KCNH6: variants seen among roughly 807,000 people sequenced by gnomAD.
KCNH6 encodes voltage-gated inwardly rectifying potassium channel KCNH6.
A neutral mutation model predicts 83.4 loss-of-function variants in KCNH6; 81 were observed. That is an observed-to-expected ratio of 0.97 (90% CI 0.81 to 1.17). KCNH6 has a LOEUF of 1.17. KCNH6 is among the 50% of genes most tolerant of loss of function. KCNH6 has a pLI of 0.00. For synonymous variants in KCNH6, 503 were observed against 545.6 expected (o/e 0.92, Z 1.09); for missense variants, 1,203 against 1,290.5 (o/e 0.93, Z 1.04).
At chr17:63,537,896 G>A (rs538443563) in intron 6 of KCNH6, among the ~76,000 whole-genome samples, 169 bp from the exon 7 acceptor site, 1 of 152,326 alleles carries the variant, frequency 6.6e-6, no homozygotes, top group South Asian at 2.1e-4. Context: ...GAAAGCCCAG[G>A]GGCCTTTGTC....
At chr17:63,536,096 A>G (rs753303316) in intron 6 of KCNH6, 28 bp downstream of exon 6, 22 of 1,603,114 alleles carry the variant, frequency 1.4e-5, no homozygotes, top group Non-Finnish European at 1.9e-5. Flanking sequence ...CCACGGCCTA[A>G]CTTCATGCTC....
intron 4 of KCNH6, 35 bp downstream of exon 4, chr17:63,530,577 G>A: frequency 6.2e-7 from 1 of 1,601,788 alleles, no homozygotes; most frequent in Non-Finnish European, 8.5e-7. Context: ...GCAGAGCTGT[G>A]CCAGGCCTCC....
rs756033396 is a variant in KCNH6, at chr17:63,545,646, A to G, written c.2621A>G (p.Lys874Arg). 6.2e-7 allele frequency: 1 copy of G among 1,613,970 alleles called. No individual in the cohort carries two copies. The highest frequency in any genetic ancestry group is 8.5e-7 in the Non-Finnish European group (1 of 1,179,998). Residue 874 changes from lysine (K) to arginine (R), a missense_variant, in exon 13 of 13, where the codon AAG (lysine) becomes AGG (arginine). Transcript: ENST00000314672. ...GGAGACTTGGATGACTGTAGTCCAAAGCACAGGAACTCCTCCCCCAGGATG... is the reference window on the plus strand; with the variant it reads ...GGAGACTTGGATGACTGTAGTCCAAGGCACAGGAACTCCTCCCCCAGGATG... Reference protein sequence around the residue: ...SYGDLDDCSPKHRNSSPRMPH... With the variant: ...SYGDLDDCSPRHRNSSPRMPH...
downstream of KCNH6, among the ~76,000 whole-genome samples, chr17:63,548,158 C>T (rs1475197237): frequency 5.3e-5 from 8 of 151,760 alleles, no homozygotes; most frequent in Non-Finnish European, 7.4e-5. Context: ...CCCAGCTACT[C>T]GGGAGGCTGA....
In KCNH6 at chr17:63,538,206, G is replaced by A. The variant is rs1235391865; in HGVS notation, c.1643G>A (p.Arg548His). 3.1e-6 allele frequency: 5 copies of A among 1,614,214 alleles called. No individual in the cohort carries two copies. The highest frequency in any genetic ancestry group is 3.4e-6 in the Non-Finnish European group (4 of 1,180,030). Residue 548 changes from arginine to histidine, a missense_variant, in exon 7 of 13, where the codon CGC becomes CAC. Transcript: ENST00000314672. This position sits in a 1 kb window ranked among gnomAD's most constrained non-coding sequence, Gnocchi z 4.0. ...FHQIPNPLRQRLEEYFQHAWS... is the reference protein window; with the variant it reads ...FHQIPNPLRQHLEEYFQHAWS... ...CAGATCCCCAACCCACTGCGCCAGC[G>A]CCTGGAGGAGTATTTCCAGCACGCC...
In KCNH6 at chr17:63,535,655, C is replaced by A. The variant is rs1344056471; in HGVS notation, c.1102-14C>A. The A allele has an allele frequency of 6.3e-7, 1 of 1,584,954 alleles. No homozygotes were observed. Among genetic ancestry groups the A allele is most frequent in the Non-Finnish European group, 8.6e-7 (1 of 1,162,050 alleles). On this transcript the variant is annotated splice_polypyrimidine_tract_variant and intron_variant, in intron 5 of 12. Coordinates refer to ENST00000314672, the MANE Select transcript of KCNH6 (RefSeq NM_001278919.2). This position sits in a 1 kb window ranked among gnomAD's most constrained non-coding sequence, Gnocchi z 4.9. Reference sequence around the variant, plus strand: ...GCTGACCCCAGCCCTGTGACCATTTCCCTACCCCTCCAGACCACAACCCTG... The same window carrying A: ...GCTGACCCCAGCCCTGTGACCATTTACCTACCCCTCCAGACCACAACCCTG...
intron 9 of KCNH6, 132 bp downstream of exon 9, chr17:63,542,566 C>T (rs2147726320): frequency 1.3e-6 from 1 of 754,858 alleles, no homozygotes; most frequent in East Asian, 2.7e-5. Context: ...TCTTTTGTGC[C>T]TACCATGGCT....
At chr17:63,545,523 A>G in intron 12 of KCNH6, 86 bp from the exon 13 acceptor site, 2 of 1,415,372 alleles carry the variant, frequency 1.4e-6, no homozygotes, top group Admixed American at 4.0e-5. Context: ...GGCAGGTACA[A>G]TTTTTGCCTG....
rs1369237334 is a variant in KCNH6, at chr17:63,538,472, G to A, written c.1764G>A (p.Leu588=). The A allele has an allele frequency of 6.2e-7, 1 of 1,604,686 alleles. No homozygotes were observed. The highest frequency in any genetic ancestry group is 1.3e-5 in the African/African-American group (1 of 74,828). Residue 588 remains leucine, a synonymous_variant, in exon 8 of 13, where the codon CTG becomes CTA. Coordinates refer to ENST00000314672, the MANE Select transcript of KCNH6 (RefSeq NM_001278919.2). This position sits in a 1 kb window ranked among gnomAD's most constrained non-coding sequence, Gnocchi z 4.0. ...ADICLHLHRA[L]LQHCPAFSGA... Reference sequence around the variant, plus strand: ...TCTGCCTGCACCTGCACCGCGCACTGCTGCAGCACTGCCCAGCTTTCAGCG... The same window carrying A: ...TCTGCCTGCACCTGCACCGCGCACTACTGCAGCACTGCCCAGCTTTCAGCG...
At position 63,542,389 on chromosome 17, in the gene KCNH6, G is replaced by A. The variant is rs137873935; in HGVS notation, c.2103G>A (p.Ala701=). The change falls in exon 9 of 13, where the codon GCG becomes GCA. Residue 701 remains alanine (A), a synonymous_variant. Transcript: ENST00000314672. ...LEVLDMYPAF[A]ESFWSKLEVT... ...TGCTGGACATGTACCCGGCCTTTGC[G>A]GAGAGCTTCTGGAGTAAGCTGGAGG... The A allele has an allele frequency of 3.0e-4, 490 of 1,614,040 alleles. No homozygotes were observed. Among genetic ancestry groups the A allele is most frequent in the Non-Finnish European group, 3.8e-4 (443 of 1,180,044 alleles).
rs148485289 is a variant in KCNH6, at chr17:63,538,299, T to TGG, written c.1701+41_1701+42dup. On this transcript the variant is annotated intron_variant, in intron 7 of 12. Transcript: ENST00000314672. The surrounding 1 kb of genome is among the most constrained non-coding windows in gnomAD (Gnocchi z 4.0). ...GCCGCTCCGGCTAATGCCCCGGGCGTGGGGGGGAGCCAAGATCCTGCGGGG... is the reference window on the plus strand; with the variant it reads ...GCCGCTCCGGCTAATGCCCCGGGCGTGGGGGGGGGAGCCAAGATCCTGCGGGG... 3.4e-4 allele frequency: 541 copies of TGG among 1,608,606 alleles called. 2 individuals carry two copies. The highest frequency in any genetic ancestry group is 3.1e-3 in the African/African-American group (229 of 74,850).
rs200551919 is a variant in KCNH6, at chr17:63,524,229, G to T, written c.167G>T (p.Arg56Leu). 37 of 1,613,988 alleles carry T rather than the reference G, an allele frequency of 2.3e-5. No individual in the cohort carries two copies. Among genetic ancestry groups the T allele is most frequent in the African/African-American group, 1.3e-4 (10 of 74,914 alleles). The change falls in exon 2 of 13, where the codon CGA (arginine) becomes CTA (leucine). Residue 56 changes from arginine (R) to leucine (L), a missense_variant. Physicochemically the swap from Arg to Leu is moderately radical, Grantham distance 102. Transcript: ENST00000314672. ...TTCTGCGAACTCTTCGGCTACTCCC[G>T]AGTGGAGGTGATGCAGCAACCCTGC... The part of the protein sequence containing the change: ...DGFCELFGYS[R>L]VEVMQQPCTC...
In KCNH6 at chr17:63,523,892, C is replaced by T. The variant is rs1030006192; in HGVS notation, c.77-247C>T. Among the ~76,000 whole-genome samples the T allele has an allele frequency of 1.3e-5, 2 of 152,144 alleles. No homozygotes were observed. Among genetic ancestry groups the T allele is most frequent in the Non-Finnish European group, 2.9e-5 (2 of 68,026 alleles). ...CCCAGGCCTGACCCCCATCTGGTCA[C>T]ATCCCTGCCTCCCTTCCCCACACTT... On this transcript the variant is annotated intron_variant, in intron 1 of 12. Coordinates refer to ENST00000314672, the MANE Select transcript of KCNH6 (RefSeq NM_001278919.2). The surrounding 1 kb of genome is among the most constrained non-coding windows in gnomAD (Gnocchi z 4.2).
Position 63,545,656 on chromosome 17 carries a change from C to T in KCNH6, c.2631C>T (p.Asn877=), listed in dbSNP as rs118047914. The T allele has an allele frequency of 1.9e-4, 299 of 1,614,012 alleles. No homozygotes were observed. The highest frequency in any genetic ancestry group is 2.3e-4 in the Non-Finnish European group (270 of 1,180,002). The part of the protein sequence containing the change: ...DLDDCSPKHR[N]SSPRMPHLAV... Reference sequence around the variant, plus strand: ...ATGACTGTAGTCCAAAGCACAGGAACTCCTCCCCCAGGATGCCTCACCTGG... The same window carrying T: ...ATGACTGTAGTCCAAAGCACAGGAATTCCTCCCCCAGGATGCCTCACCTGG... The change falls in exon 13 of 13, where the codon AAC becomes AAT. Residue 877 remains asparagine (N), a synonymous_variant. Coordinates refer to ENST00000314672, the MANE Select transcript of KCNH6 (RefSeq NM_001278919.2).
At chr17:63,545,389 G>A in intron 12 of KCNH6, 125 bp downstream of exon 12, 1 of 1,075,378 alleles carries the variant, frequency 9.3e-7, no homozygotes, top group Non-Finnish European at 1.3e-6. Flanking sequence ...CAGGGCTTCT[G>A]CTTACCTCCT....
At chr17:63,524,819 G>A in intron 2 of KCNH6, among the ~76,000 whole-genome samples, 1 of 152,228 alleles carries the variant, frequency 6.6e-6, no homozygotes, top group East Asian at 1.9e-4. Flanking sequence ...GCCTTATCCA[G>A]TCTCAGCTCT....
At chr17:63,527,365 A>G (rs2031785692) in intron 2 of KCNH6, among the ~76,000 whole-genome samples, 1 of 152,216 alleles carries the variant, frequency 6.6e-6, no homozygotes, top group South Asian at 2.1e-4. Context: ...GGGACTCACC[A>G]CAGTGCTGGA....
Position 63,538,644 on chromosome 17 carries a change from G to A in KCNH6, c.1936G>A (p.Val646Met). Residue 646 changes from valine (V) to methionine (M), a missense_variant, in exon 8 of 13, where the codon GTG becomes ATG. Coordinates refer to ENST00000314672, the MANE Select transcript of KCNH6 (RefSeq NM_001278919.2). This position sits in a 1 kb window ranked among gnomAD's most constrained non-coding sequence, Gnocchi z 4.0. ...RGSIEILRDDVVVAILGKNDI... is the reference protein window; with the variant it reads ...RGSIEILRDDMVVAILGKNDI... ...CTCCATCGAGATCCTGCGCGACGACGTGGTCGTGGCCATCCTAGGTGGGTC... is the reference window on the plus strand; with the variant it reads ...CTCCATCGAGATCCTGCGCGACGACATGGTCGTGGCCATCCTAGGTGGGTC... 6.3e-7 allele frequency: 1 copy of A among 1,596,188 alleles called. No individual in the cohort carries two copies.
Position 63,545,215 on chromosome 17 carries a change from C to CGACGA in KCNH6, c.2536_2540dup (p.Ser847ArgfsTer65). ...GCCTTGGTTCCTATAGCCTCGGAGACGACGAGTCCAGGGCCCAGGCTGCCC... is the reference window on the plus strand; with the variant it reads ...GCCTTGGTTCCTATAGCCTCGGAGACGACGAGACGAGTCCAGGGCCCAGGCTGCCC... On this transcript the variant is annotated frameshift_variant, in exon 12 of 13. Transcript: ENST00000314672. LOFTEE classifies it low-confidence loss of function (END_TRUNC). 1 of 1,613,744 alleles carries CGACGA rather than the reference C, an allele frequency of 6.2e-7. No homozygotes were observed. Among genetic ancestry groups the CGACGA allele is most frequent in the Non-Finnish European group, 8.5e-7 (1 of 1,180,030 alleles).
Sources: allele counts gnomAD v4.1 joint callset (sites outside exome capture counted in the v4.1 genomes callset), GRCh38; gene constraint gnomAD v4.1.1; non-coding constraint Gnocchi (gnomAD v3.1); transcripts MANE v1.5; gene names NCBI Gene and HGNC (gene_info 2026-07-23, HGNC 2026-07-21).